PYGB: variants seen among roughly 807,000 people sequenced by gnomAD.
PYGB encodes glycogen phosphorylase B, also known as glycogen phosphorylase, brain form.
A neutral mutation model predicts 94.3 loss-of-function variants in PYGB; 82 were observed. That is an observed-to-expected ratio of 0.87 (90% CI 0.73 to 1.04). The LOEUF is 1.04. PYGB is among the 50% of genes least tolerant of loss of function. PYGB has a pLI of 0.00. For synonymous variants in PYGB, 488 were observed against 479.1 expected (o/e 1.02, Z -0.24); for missense variants, 1,132 against 1,158.2 (o/e 0.98, Z 0.33).
intron 2 of PYGB, among the ~76,000 whole-genome samples, chr20:25,266,157 A>G (rs1419936460): frequency 6.6e-6 from 1 of 152,150 alleles, no homozygotes. Flanking sequence ...GGCTGATAGT[A>G]TCTTTTGATT....
At chr20:25,285,882 G>C (rs760006742) in intron 14 of PYGB, among the ~76,000 whole-genome samples, 1 of 152,156 alleles carries the variant, frequency 6.6e-6, no homozygotes, top group African/African-American at 2.4e-5. Context: ...TGGCCACTTT[G>C]TGTCTAGTTC....
chr20:25,282,168 G>A (rs367622873), intron 12 of PYGB, 21 bp downstream of exon 12: 74 of 1,578,274 alleles, frequency 4.7e-5, no homozygotes, highest in Non-Finnish European at 5.6e-5. Context: ...GGCCCCACCC[G>A]TGCCTGTGGA....
intron 2 of PYGB, among the ~76,000 whole-genome samples, chr20:25,265,410 A>G (rs1418033379): frequency 6.6e-6 from 1 of 152,148 alleles, no homozygotes; most frequent in Non-Finnish European, 1.5e-5. Context: ...GTTTTTTGAC[A>G]GTAGTCATTC....
In PYGB at chr20:25,294,192, G is replaced by T; in HGVS notation, c.2212G>T (p.Glu738Ter). The change falls in exon 18 of 20, where the codon GAG becomes TAG. Residue 738 changes from glutamate (E) to a stop codon, truncating the protein, a stop_gained. Transcript: ENST00000216962. LOFTEE classifies it high-confidence loss of function. ...NAREYYDHLP[E>*]LKQAVDQISS... is the part of the protein sequence containing the mutation. Reference sequence around the variant, plus strand: ...CAGGGAGTACTACGACCACCTGCCCGAGCTGAAGCAGGCCGTGGACCAGAT... The same window carrying T: ...CAGGGAGTACTACGACCACCTGCCCTAGCTGAAGCAGGCCGTGGACCAGAT... The T allele has an allele frequency of 6.2e-7, 1 of 1,613,920 alleles. No individual in the cohort carries two copies. The highest frequency in any genetic ancestry group is 8.5e-7 in the Non-Finnish European group (1 of 1,180,014).
At chr20:25,252,834 C>T (rs2092891969) in intron 1 of PYGB, among the ~76,000 whole-genome samples, 1 of 152,212 alleles carries the variant, frequency 6.6e-6, no homozygotes, top group Non-Finnish European at 1.5e-5. Flanking sequence ...GTGATGAGCT[C>T]AGCCTTTAGC....
chr20:25,258,954 C>T (rs527237394), intron 1 of PYGB, among the ~76,000 whole-genome samples: 1 of 152,248 alleles, frequency 6.6e-6, no homozygotes, highest in Non-Finnish European at 1.5e-5. Context: ...AACCACCAAC[C>T]TGCCCTGCCT....
At chr20:25,289,746 T>C in intron 15 of PYGB, 2 of 482,528 alleles carry the variant, frequency 4.1e-6, no homozygotes, top group Non-Finnish European at 8.7e-6. Context: ...AGCTGAAGCA[T>C]TTCACAGTAA....
At chr20:25,263,510 T>A (rs1159068774) in intron 2 of PYGB, among the ~76,000 whole-genome samples, 2 of 151,792 alleles carry the variant, frequency 1.3e-5, no homozygotes, top group Admixed American at 6.6e-5. Context: ...TTTGAAAAGA[T>A]CAACAAAATT....
chr20:25,257,694 G>A (rs1336585164), intron 1 of PYGB, among the ~76,000 whole-genome samples: 5 of 152,114 alleles, frequency 3.3e-5, no homozygotes, highest in African/African-American at 1.2e-4. Context: ...TTAGTTAAAG[G>A]CAAAGTAAAA....
intron 2 of PYGB, among the ~76,000 whole-genome samples, chr20:25,265,824 T>C (rs1452227608): frequency 2.0e-5 from 3 of 146,372 alleles, no homozygotes; most frequent in African/African-American, 7.3e-5. Flanking sequence ...CTTGATCTCC[T>C]GACCTTGTGA....
rs1232862678 is a variant in PYGB, at chr20:25,295,011, A to C, written c.2313-593A>C. ...GACCACATGCTGGGATCTGGGCTGG[A>C]ACCTGGGCCCTGCTGAGGTCTGTGA... On this transcript the variant is annotated intron_variant, in intron 18 of 19. Transcript: ENST00000216962. 4.3e-6 allele frequency: 7 copies of C among 1,614,192 alleles called. No individual in the cohort carries two copies. In the South Asian group the frequency reaches 7.7e-5, roughly 18 times the overall value.
Position 25,248,340 on chromosome 20 carries a change from C to A in PYGB, c.162C>A (p.Phe54Leu). 1 of 1,603,062 alleles carries A rather than the reference C, an allele frequency of 6.2e-7. No homozygotes were observed. The highest frequency in any genetic ancestry group is 8.5e-7 in the Non-Finnish European group (1 of 1,175,542). Residue 54 changes from phenylalanine (F) to leucine (L), a missense_variant, in exon 1 of 20, where the codon TTC becomes TTA. Coordinates refer to ENST00000216962, the MANE Select transcript of PYGB (RefSeq NM_002862.4). ...TGGCCACGCCCCGCGACTACTTCTT[C>A]GCGCTGGCGCACACGGTGCGCGACC... ...RNVATPRDYFFALAHTVRDHL... is the reference protein window; with the variant it reads ...RNVATPRDYFLALAHTVRDHL...
chr20:25,282,744 G>A (rs1359549026), intron 12 of PYGB, among the ~76,000 whole-genome samples: 1 of 152,196 alleles, frequency 6.6e-6, no homozygotes. Context: ...GATGGGCCTG[G>A]GTACAGTGAG....
At position 25,296,996 on chromosome 20, in the gene PYGB, C is replaced by T. The variant is rs980061406; in HGVS notation, c.*474C>T. Reference sequence around the variant, plus strand: ...GGGCCAAGCCCCATGTAGCCCCAGTCATCCTGCCCAGCCCTGCCTCCTGGC... The same window carrying T: ...GGGCCAAGCCCCATGTAGCCCCAGTTATCCTGCCCAGCCCTGCCTCCTGGC... On this transcript the variant is annotated 3_prime_UTR_variant, in exon 20 of 20. Coordinates refer to ENST00000216962, the MANE Select transcript of PYGB (RefSeq NM_002862.4). The T allele has an allele frequency of 1.1e-4, 18 of 167,446 alleles. No homozygotes were observed. Among genetic ancestry groups the T allele is most frequent in the African/African-American group, 4.1e-4 (17 of 41,668 alleles). 10.4% of individuals were successfully genotyped at this position (167,446 alleles called of 1,614,324 possible).
chr20:25,262,671 T>TACAGACGGGCA (rs2092916248), intron 2 of PYGB, among the ~76,000 whole-genome samples: 1 of 144,786 alleles, frequency 6.9e-6, no homozygotes, highest in African/African-American at 2.8e-5. Flanking sequence ...CATTTTGACT[T>TACAGACGGGCA]GACTGGATAA....
chr20:25,290,109 G>GTCA (rs1340184226), intron 15 of PYGB, among the ~76,000 whole-genome samples: 2 of 152,200 alleles, frequency 1.3e-5, no homozygotes, highest in Non-Finnish European at 2.9e-5. Flanking sequence ...GCCGTAGCCT[G>GTCA]GCTCTTTCCG....
chr20:25,266,028 A>C (rs557123839), intron 2 of PYGB, among the ~76,000 whole-genome samples: 1 of 151,600 alleles, frequency 6.6e-6, no homozygotes, highest in Non-Finnish European at 1.5e-5. Context: ...ATATTACTCT[A>C]TATATAAAGA....
chr20:25,274,557 C>A (rs201847086), intron 4 of PYGB, 35 bp from the exon 5 acceptor site: 1 of 1,604,442 alleles, frequency 6.2e-7, no homozygotes, highest in South Asian at 1.1e-5. Context: ...GGGACATCTG[C>A]GCTGAGGGTG....
In PYGB at chr20:25,278,429, T is replaced by A. The variant is rs2088334488; in HGVS notation, c.966T>A (p.Pro322=). 1 of 1,614,216 alleles carries A rather than the reference T, an allele frequency of 6.2e-7. No homozygotes were observed. The highest frequency in any genetic ancestry group is 1.3e-5 in the African/African-American group (1 of 75,070). ...CGTCCAAGTTCGGCTGCCGGGACCC[T>A]GTGAGAACCTGTTTCGAGACGTTCC... The part of the protein sequence containing the change: ...FKSSKFGCRD[P]VRTCFETFPD... Residue 322 remains proline (P), a synonymous_variant, in exon 8 of 20, where the codon CCT becomes CCA. Coordinates refer to ENST00000216962, the MANE Select transcript of PYGB (RefSeq NM_002862.4).
Sources: allele counts gnomAD v4.1 joint callset (sites outside exome capture counted in the v4.1 genomes callset), GRCh38; gene constraint gnomAD v4.1.1; transcripts MANE v1.5; gene names NCBI Gene and HGNC (gene_info 2026-07-23, HGNC 2026-07-21).